MS4A4A: variants seen among roughly 807,000 people sequenced by gnomAD.
MS4A4A encodes the protein membrane-spanning 4-domains subfamily A member 4A.
MS4A4A carries 26 observed loss-of-function variants against 28.0 expected under a neutral mutation model. The ratio of observed to expected loss-of-function variants is 0.93; its 90% CI spans 0.68 to 1.29. The LOEUF is 1.29. MS4A4A is among the 50% of genes most tolerant of loss of function. The pLI is 0.00. For missense variants in MS4A4A, 290 were observed against 293.1 expected, an observed-to-expected ratio of 0.99 and a Z score of 0.08; for synonymous variants, 86 against 100.8, an observed-to-expected ratio of 0.85 and a Z score of 0.88.
In MS4A4A at chr11:60,308,125, T is replaced by C. The variant is rs981399923; in HGVS notation, c.667T>C (p.Ser223Pro). Reference protein sequence around the residue: ...TPGGVVLILPSHSHMAETASP... With the variant: ...TPGGVVLILPPHSHMAETASP... ...TTCACAGGTTGTGTTAATTCTGCCATCACATTCTCACATGGCAGAAACAGC... is the reference window on the plus strand; with the variant it reads ...TTCACAGGTTGTGTTAATTCTGCCACCACATTCTCACATGGCAGAAACAGC... Residue 223 changes from serine (S) to proline (P), a missense_variant, in exon 7 of 7, where the codon TCA (serine) becomes CCA (proline). Physicochemically the swap from Ser to Pro is moderately conservative, Grantham distance 74. Coordinates refer to ENST00000337908, the MANE Select transcript of MS4A4A (RefSeq NM_148975.3). 1 of 1,613,890 alleles carries C rather than the reference T, an allele frequency of 6.2e-7. No homozygotes were observed. The highest frequency in any genetic ancestry group is 1.3e-5 in the African/African-American group (1 of 74,914).
intron 1 of MS4A4A, among the ~76,000 whole-genome samples, chr11:60,281,448 G>A (rs1159693349): frequency 6.6e-6 from 1 of 151,914 alleles, no homozygotes; most frequent in Non-Finnish European, 1.5e-5. Context: ...TAACAAAAGG[G>A]CTGGGAGAAA....
rs370792005 is a variant in MS4A4A, at chr11:60,300,946, T to A, written c.331-55T>A. 1.7e-4 allele frequency: 221 copies of A among 1,290,722 alleles called. No individual in the cohort carries two copies. In the African/African-American group the frequency reaches 2.8e-3, roughly 17 times the overall value. 80.0% of individuals were successfully genotyped at this position (1,290,722 alleles called of 1,614,324 possible). On this transcript the variant is annotated intron_variant, in intron 3 of 6. Coordinates refer to ENST00000337908, the MANE Select transcript of MS4A4A (RefSeq NM_148975.3). Reference sequence around the variant, plus strand: ...ATTTAGAATTAAGTTTAGTAAGTTATGACTCCCAATACTGGCTTAAAGTTT... The same window carrying A: ...ATTTAGAATTAAGTTTAGTAAGTTAAGACTCCCAATACTGGCTTAAAGTTT...
intron 1 of MS4A4A, among the ~76,000 whole-genome samples, chr11:60,287,065 C>G (rs1443428030): frequency 2.0e-5 from 3 of 152,106 alleles, no homozygotes; most frequent in African/African-American, 7.2e-5. Context: ...CATCATTAGG[C>G]TTACATAAAA....
intron 6 of MS4A4A, 110 bp downstream of exon 6, chr11:60,306,311 T>G: frequency 1.1e-6 from 1 of 924,152 alleles, no homozygotes; most frequent in Non-Finnish European, 1.7e-6. Context: ...TCTCTCAGTT[T>G]CCATGGTTCA....
At position 60,292,277 on chromosome 11, in the gene MS4A4A, G is replaced by T; in HGVS notation, c.94G>T (p.Gly32Trp). 6.2e-7 allele frequency: 1 copy of T among 1,605,316 alleles called. No homozygotes were observed. The highest frequency in any genetic ancestry group is 8.5e-7 in the Non-Finnish European group (1 of 1,176,298). ...TMQGMEQAMP[G>W]AGPGVPQLGN... Reference sequence around the variant, plus strand: ...GCAAGGAATGGAACAGGCCATGCCAGGGGCTGGCCCTGGTGTGCCCCAGCT... The same window carrying T: ...GCAAGGAATGGAACAGGCCATGCCATGGGCTGGCCCTGGTGTGCCCCAGCT... The change falls in exon 2 of 7, where the codon GGG becomes TGG. Residue 32 changes from glycine to tryptophan, a missense_variant. By Grantham distance (184) the Gly-to-Trp change is radical. Transcript: ENST00000337908.
chr11:60,294,892 A>T (rs377660079), intron 2 of MS4A4A, among the ~76,000 whole-genome samples: 198 of 130,942 alleles, frequency 1.5e-3, no homozygotes, highest in African/African-American at 4.9e-3. Context: ...TACAACTACT[A>T]CTTCTTCTTC....
chr11:60,289,313 G>C (rs2084830388), intron 1 of MS4A4A, among the ~76,000 whole-genome samples: 1 of 152,138 alleles, frequency 6.6e-6, no homozygotes, highest in Non-Finnish European at 1.5e-5. Flanking sequence ...CCAGTAGTAA[G>C]ATTACAGGTA....
intron 1 of MS4A4A, among the ~76,000 whole-genome samples, chr11:60,291,028 G>A (rs1026290386): frequency 6.6e-6 from 1 of 152,098 alleles, no homozygotes; most frequent in African/African-American, 2.4e-5. Flanking sequence ...ATATTAGCAA[G>A]CTTCATTTCC....
intron 1 of MS4A4A, among the ~76,000 whole-genome samples, chr11:60,288,652 G>C (rs1161616266): frequency 6.6e-6 from 1 of 152,146 alleles, no homozygotes; most frequent in Non-Finnish European, 1.5e-5. Context: ...CCACATAGTG[G>C]TAACTCTAGA....
At chr11:60,304,116 G>A (rs910394863) in intron 5 of MS4A4A, among the ~76,000 whole-genome samples, 23 of 152,168 alleles carry the variant, frequency 1.5e-4, no homozygotes, top group African/African-American at 5.3e-4. Flanking sequence ...CTGGCAAAAG[G>A]AAGATTAGAT....
intron 2 of MS4A4A, among the ~76,000 whole-genome samples, chr11:60,296,098 T>C (rs916559534): frequency 6.6e-6 from 1 of 152,038 alleles, no homozygotes; most frequent in South Asian, 2.1e-4. Flanking sequence ...CACTGAGTCC[T>C]TCTAGGTCTG....
At chr11:60,299,536 G>T (rs898842755) in intron 3 of MS4A4A, among the ~76,000 whole-genome samples, 1 of 147,042 alleles carries the variant, frequency 6.8e-6, no homozygotes, top group Non-Finnish European at 1.5e-5. Flanking sequence ...GCAATGGCAC[G>T]ATCTCGGCTC....
chr11:60,284,663 C>T (rs1243882294), intron 1 of MS4A4A, among the ~76,000 whole-genome samples: 1 of 152,188 alleles, frequency 6.6e-6, no homozygotes, highest in Admixed American at 6.5e-5. Flanking sequence ...TCCTCTTCCT[C>T]TTGCAGTCTC....
intron 4 of MS4A4A, among the ~76,000 whole-genome samples, chr11:60,301,641 G>A (rs1026932338): frequency 2.6e-5 from 4 of 152,094 alleles, no homozygotes; most frequent in African/African-American, 7.2e-5. Context: ...TCAAATTCTG[G>A]AGCATGATCA....
At chr11:60,292,693 A>G (rs2084868438) in intron 2 of MS4A4A, among the ~76,000 whole-genome samples, 1 of 152,158 alleles carries the variant, frequency 6.6e-6, no homozygotes, top group African/African-American at 2.4e-5. Context: ...CTACTAGCTG[A>G]CGCCCCCTTT....
intron 1 of MS4A4A, among the ~76,000 whole-genome samples, chr11:60,289,587 GTGTGTGTA>G (rs1206818468): frequency 1.8e-3 from 157 of 86,528 alleles, no homozygotes; most frequent in African/African-American, 6.6e-3. Flanking sequence ...GTGTGTGTGT[GTGTGTGTA>G]TGTGTGTGTG....
intron 3 of MS4A4A, among the ~76,000 whole-genome samples, chr11:60,300,013 G>C (rs1431237819): frequency 6.6e-6 from 1 of 152,092 alleles, no homozygotes; most frequent in Non-Finnish European, 1.5e-5. Context: ...TTATTCCAGT[G>C]GTGATTTAGA....
At chr11:60,281,120 G>C (rs2084752035) in intron 1 of MS4A4A, among the ~76,000 whole-genome samples, 2 of 152,100 alleles carry the variant, frequency 1.3e-5, no homozygotes, top group East Asian at 3.8e-4. Context: ...TATAACTCAG[G>C]ATTTAAGAAC....
chr11:60,293,339 A>G (rs2084874428), intron 2 of MS4A4A, among the ~76,000 whole-genome samples: 2 of 152,184 alleles, frequency 1.3e-5, no homozygotes, highest in Admixed American at 1.3e-4. Context: ...TTTTTAATGT[A>G]TGAATAATTA....
Sources: gnomAD v4.1 joint callset for allele counts (sites outside exome capture counted in the v4.1 genomes callset) on GRCh38, gnomAD v4.1.1 for gene constraint, MANE v1.5 for transcripts, NCBI Gene and HGNC (gene_info 2026-07-23, HGNC 2026-07-21) for gene names.